CCDC60: variants seen among roughly 807,000 people sequenced by gnomAD.
The protein encoded by CCDC60 is coiled-coil domain containing 60.
In CCDC60, 54 loss-of-function variants were observed where a neutral mutation model predicts 63.5. That is an observed-to-expected ratio of 0.85 (90% CI 0.68 to 1.07). The LOEUF (loss-of-function observed/expected upper bound fraction) is 1.07. CCDC60 is among the 50% of genes least tolerant of loss of function. CCDC60 has a pLI of 0.00. For missense variants in CCDC60, 651 were observed against 684.3 expected, an observed-to-expected ratio of 0.95 and a Z score of 0.54; for synonymous variants, 206 against 238.8, an observed-to-expected ratio of 0.86 and a Z score of 1.27.
At chr12:119,522,893 G>GA in intron 9 of CCDC60, 46 bp from the exon 10 acceptor site, 2 of 1,596,996 alleles carry the variant, frequency 1.3e-6, no homozygotes, top group South Asian at 1.1e-5. Flanking sequence ...CCCTTTTCTT[G>GA]AAAAGCAGAC....
intron 5 of CCDC60, among the ~76,000 whole-genome samples, chr12:119,496,819 A>G (rs1426454537): frequency 1.3e-5 from 2 of 152,190 alleles, no homozygotes; most frequent in African/African-American, 4.8e-5. Context: ...ATTCACTCTT[A>G]ACCACTAAGA....
intron 1 of CCDC60, among the ~76,000 whole-genome samples, chr12:119,359,806 T>C (rs1286419442): frequency 1.3e-5 from 2 of 151,988 alleles, no homozygotes; most frequent in Non-Finnish European, 2.9e-5. Flanking sequence ...TCCATTTAAC[T>C]CTGAGTGGAC....
intron 1 of CCDC60, among the ~76,000 whole-genome samples, chr12:119,345,242 G>A (rs1955578963): frequency 6.6e-6 from 1 of 152,174 alleles, no homozygotes; most frequent in Non-Finnish European, 1.5e-5. Context: ...GGTGGCTCAT[G>A]CCCGTAATCC....
chr12:119,482,007 GTATA>G (rs111254342), intron 4 of CCDC60, among the ~76,000 whole-genome samples: 1 of 134,968 alleles, frequency 7.4e-6, no homozygotes, highest in Admixed American at 7.3e-5. Flanking sequence ...TGTATATATA[GTATA>G]TATATATGTA....
At chr12:119,428,944 T>C in intron 2 of CCDC60, 182 bp downstream of exon 2, 1 of 495,948 alleles carries the variant, frequency 2.0e-6, no homozygotes, top group Non-Finnish European at 3.6e-6. Context: ...CAGCTGGACT[T>C]TCCAGGGAGT....
intron 12 of CCDC60, among the ~76,000 whole-genome samples, chr12:119,530,257 G>A (rs1481174913): frequency 7.1e-6 from 1 of 141,744 alleles, no homozygotes; most frequent in Non-Finnish European, 1.5e-5. Flanking sequence ...ATATAGCAAG[G>A]GGTGAGGGAG....
chr12:119,414,269 G>A lies in CCDC60; in HGVS notation c.91-14414G>A, dbSNP rs182951609. ...CCTGACCTCAAGAGATCTGCCTGCC[G>A]CAACCTCCCAAAGTGCTGGGATTAC... On this transcript the variant is annotated intron_variant, in intron 1 of 13. Coordinates refer to ENST00000327554, the MANE Select transcript of CCDC60 (RefSeq NM_178499.5). 4.3e-3 allele frequency among the ~76,000 whole-genome samples: 652 copies of A among 152,026 alleles called. 5 individuals carry two copies. The highest frequency in any genetic ancestry group is 5.0e-3 in the Non-Finnish European group (342 of 67,964).
chr12:119,437,246 T>C (rs784859), intron 2 of CCDC60, among the ~76,000 whole-genome samples: 1 of 151,910 alleles, frequency 6.6e-6, no homozygotes, highest in African/African-American at 2.4e-5. Context: ...AAACTAATAA[T>C]TGCATTGAAA....
chr12:119,389,035 C>A (rs539458854), intron 1 of CCDC60, among the ~76,000 whole-genome samples: 2 of 152,336 alleles, frequency 1.3e-5, no homozygotes, highest in East Asian at 3.9e-4. Flanking sequence ...ATAAAATAGT[C>A]CCCTTTCTTG....
intron 2 of CCDC60, among the ~76,000 whole-genome samples, chr12:119,433,968 C>T (rs554628820): frequency 2.6e-5 from 4 of 152,258 alleles, no homozygotes; most frequent in African/African-American, 9.6e-5. Context: ...TCTTGAAGTG[C>T]GATGACGTAC....
At chr12:119,360,437 C>T (rs1455999632) in intron 1 of CCDC60, among the ~76,000 whole-genome samples, 45 of 150,762 alleles carry the variant, frequency 3.0e-4, no homozygotes, top group Non-Finnish European at 4.1e-4. Context: ...CGGGCGGAGA[C>T]GCTCCTCACT....
chr12:119,486,326 C>T (rs541604672), intron 4 of CCDC60, among the ~76,000 whole-genome samples: 2 of 152,182 alleles, frequency 1.3e-5, no homozygotes, highest in Non-Finnish European at 2.9e-5. Flanking sequence ...CGCTGGAGGC[C>T]AGGAGTTTGA....
chr12:119,365,010 A>C lies in CCDC60; in HGVS notation c.90+29744A>C, dbSNP rs117930651. On this transcript the variant is annotated intron_variant, in intron 1 of 13. Transcript: ENST00000327554. ...GAAATTAGTACATCACCGAGCATCTACACAGTGAGGCAGATGTTGTGATAG... is the reference window on the plus strand; with the variant it reads ...GAAATTAGTACATCACCGAGCATCTCCACAGTGAGGCAGATGTTGTGATAG... Among the ~76,000 whole-genome samples, 15 of 152,308 alleles carry C rather than the reference A, an allele frequency of 9.8e-5. No homozygotes were observed. In the East Asian group the frequency reaches 2.9e-3, roughly 29 times the overall value.
rs549894506 is a variant in CCDC60, at chr12:119,533,221, G to A, written c.1551+2158G>A. Among the ~76,000 whole-genome samples, 30 of 152,232 alleles carry A rather than the reference G, an allele frequency of 2.0e-4. 2 individuals are homozygous for A. In the South Asian group the frequency reaches 6.2e-3, roughly 32 times the overall value. On this transcript the variant is annotated intron_variant, in intron 13 of 13. Transcript: ENST00000327554. ...GTTGGCTGCATAAATGTCTTCTTTT[G>A]AGAAGTGTCTATTCATATCCTTCAC...
intron 1 of CCDC60, among the ~76,000 whole-genome samples, chr12:119,374,665 G>A (rs143453767): frequency 0.06 from 9,005 of 149,840 alleles, 312 homozygotes; most frequent in Non-Finnish European, 0.072. Flanking sequence ...CAAAAGAATG[G>A]CTACTCCATA....
At chr12:119,414,892 G>C (rs972420063) in intron 1 of CCDC60, among the ~76,000 whole-genome samples, 1 of 152,142 alleles carries the variant, frequency 6.6e-6, no homozygotes, top group South Asian at 2.1e-4. Flanking sequence ...TCTCATCCTG[G>C]TTCTGACCAC....
chr12:119,350,113 A>T lies in CCDC60; in HGVS notation c.90+14847A>T, dbSNP rs568011391. Among the ~76,000 whole-genome samples the T allele has an allele frequency of 1.6e-3, 242 of 152,234 alleles. 4 individuals are homozygous for T. Among genetic ancestry groups the T allele is most frequent in the Non-Finnish European group, 6.8e-4 (46 of 68,012 alleles). ...GTTTCAGGCAGGCCACCCAGGAGGG[A>T]GATGTGGGGTGTGCCCCTATCTTGA... is the stretch of plus-strand genomic sequence containing the variant. On this transcript the variant is annotated intron_variant, in intron 1 of 13. Transcript: ENST00000327554.
chr12:119,357,705 C>T (rs909997653), intron 1 of CCDC60, among the ~76,000 whole-genome samples: 13 of 152,298 alleles, frequency 8.5e-5, no homozygotes, highest in East Asian at 7.7e-4. Context: ...CCACCCACTT[C>T]GGCCTCCCAA....
At chr12:119,465,044 G>T (rs1429806291) in intron 2 of CCDC60, among the ~76,000 whole-genome samples, 1 of 152,242 alleles carries the variant, frequency 6.6e-6, no homozygotes, top group African/African-American at 2.4e-5. Context: ...AGGCGCGGTG[G>T]CTCATGCCTG....
Sources: allele counts gnomAD v4.1 joint callset (sites outside exome capture counted in the v4.1 genomes callset), GRCh38; gene constraint gnomAD v4.1.1; transcripts MANE v1.5; gene names NCBI Gene and HGNC (gene_info 2026-07-23, HGNC 2026-07-21).